Variants in SERTM1 observed in about 807,000 individuals in gnomAD.
SERTM1 encodes serine rich and transmembrane domain containing 1, also known as serine-rich and transmembrane domain-containing protein 1.
Under a neutral mutation model 5.5 loss-of-function variants are expected in SERTM1, and 1 was observed. The ratio of observed to expected loss-of-function variants is 0.18; its 90% CI spans 0.06 to 0.86. The LOEUF is 0.86. Among genes scored for constraint, SERTM1 ranks in the 40% least tolerant of loss-of-function variants. The probability of loss-of-function intolerance (pLI) is 0.69; values close to 1 mark genes in which losing one functional copy is unlikely to be tolerated. For missense variants in SERTM1, 91 were observed against 122.4 expected (o/e 0.74, Z 1.21); for synonymous variants, 52 against 55.1 (o/e 0.94, Z 0.25).
intron 1 of SERTM1, among the ~76,000 whole-genome samples, chr13:36,679,727 C>A (rs552145472): frequency 6.4e-4 from 97 of 152,130 alleles, no homozygotes; most frequent in Non-Finnish European, 1.2e-3. Flanking sequence ...CCCTTGAACA[C>A]ATTTTTTTCT....
At chr13:36,678,679 T>TTATATATATA (rs765476413) in intron 1 of SERTM1, among the ~76,000 whole-genome samples, 22 of 133,734 alleles carry the variant, frequency 1.6e-4, no homozygotes, top group African/African-American at 3.4e-4. Flanking sequence ...AAAATAAAAT[T>TTATATATATA]TATATATATA....
intron 1 of SERTM1, among the ~76,000 whole-genome samples, chr13:36,693,788 C>T (rs184588546): frequency 6.6e-6 from 1 of 152,256 alleles, no homozygotes; most frequent in Admixed American, 6.5e-5. Flanking sequence ...TTTTGCACCA[C>T]AATGGAAGCA....
chr13:36,692,885 G>A (rs184807197), intron 1 of SERTM1, among the ~76,000 whole-genome samples: 8 of 152,250 alleles, frequency 5.3e-5, no homozygotes, highest in South Asian at 4.2e-4. Flanking sequence ...TGAGTAAATC[G>A]CGATGTTTTT....
Position 36,695,036 on chromosome 13 carries a change from T to G in SERTM1, c.-43T>G, listed in dbSNP as rs1379451441. 1 of 1,449,716 alleles carries G rather than the reference T, an allele frequency of 6.9e-7. No homozygotes were observed. The highest frequency in any genetic ancestry group is 9.5e-7 in the Non-Finnish European group (1 of 1,048,654). The allele number at this position is 1,449,716 out of a possible 1,614,324, so 89.8% of individuals were successfully genotyped here. On this transcript the variant is annotated 5_prime_UTR_variant, in exon 2 of 2. Transcript: ENST00000315190. The stretch of plus-strand genomic sequence containing the variant: ...GTCCTGTGTAAGCCCTGTGTGAAGT[T>G]TTGACTTTAATCTACCAGATCACTC...
intron 1 of SERTM1, among the ~76,000 whole-genome samples, chr13:36,683,390 T>C (rs746992204): frequency 2.0e-5 from 3 of 152,228 alleles, no homozygotes; most frequent in Non-Finnish European, 4.4e-5. Context: ...CAATTATTCA[T>C]AATTTGACTT....
At chr13:36,687,782 G>A (rs75413019) in intron 1 of SERTM1, among the ~76,000 whole-genome samples, 2,177 of 151,964 alleles carry the variant, frequency 0.014, 57 homozygotes, top group African/African-American at 0.05. Flanking sequence ...CAACAACAAC[G>A]TAATAAGACA....
chr13:36,688,873 C>A (rs1293259297), intron 1 of SERTM1, among the ~76,000 whole-genome samples: 2 of 152,128 alleles, frequency 1.3e-5, no homozygotes, highest in South Asian at 4.1e-4. Flanking sequence ...AAGTGGCTTT[C>A]ATCATTCTGC....
intron 1 of SERTM1, among the ~76,000 whole-genome samples, chr13:36,682,815 C>T (rs762540365): frequency 6.6e-6 from 1 of 152,160 alleles, no homozygotes; most frequent in Non-Finnish European, 1.5e-5. Flanking sequence ...TATTCTACCC[C>T]TTCCTGTACA....
chr13:36,681,647 A>T (rs1229435835), intron 1 of SERTM1, among the ~76,000 whole-genome samples: 1 of 152,216 alleles, frequency 6.6e-6, no homozygotes, highest in African/African-American at 2.4e-5. Flanking sequence ...TCCACAGATG[A>T]GCACAGTGTC....
rs533278144 is a variant in SERTM1 at position 36,696,941 on chromosome 13, GA to G, written c.*1542del. On this transcript the variant is annotated 3_prime_UTR_variant, in exon 2 of 2. Transcript: ENST00000315190. ...GCACTCTCCAGTGATTAGAATGGGG[GA>G]AAGAATCCACTATTTGTACAGGGTT... is the stretch of plus-strand genomic sequence containing the variant. 7.7e-4 allele frequency: 129 copies of G among 167,098 alleles called. No individual in the cohort carries two copies. In the Middle Eastern group the frequency reaches 0.01, roughly 13 times the overall value. 10.4% of individuals were successfully genotyped at this position (167,098 alleles called of 1,614,324 possible). A position where few individuals can be genotyped will look rare whatever the true frequency, so the allele number is the denominator to read the frequency against.
chr13:36,680,700 G>C (rs1217863088), intron 1 of SERTM1, among the ~76,000 whole-genome samples: 1 of 152,104 alleles, frequency 6.6e-6, no homozygotes, highest in East Asian at 1.9e-4. Context: ...ATTGCTGCTT[G>C]TGTGGTTTTT....
At chr13:36,675,676 C>G (rs549047068) in intron 1 of SERTM1, among the ~76,000 whole-genome samples, 28 of 152,300 alleles carry the variant, frequency 1.8e-4, no homozygotes, top group Admixed American at 1.5e-3. Flanking sequence ...CCACCACACT[C>G]AGAACACCGT....
intron 1 of SERTM1, among the ~76,000 whole-genome samples, chr13:36,681,398 A>T (rs1291056837): frequency 6.6e-6 from 1 of 152,226 alleles, no homozygotes; most frequent in Non-Finnish European, 1.5e-5. Context: ...CAGATCTCCA[A>T]AGTAGCACTT....
At chr13:36,681,961 T>C (rs907153649) in intron 1 of SERTM1, among the ~76,000 whole-genome samples, 4 of 152,204 alleles carry the variant, frequency 2.6e-5, no homozygotes, top group Admixed American at 1.3e-4. Context: ...ACACAGTTGG[T>C]TGATTTTTAA....
intron 1 of SERTM1, among the ~76,000 whole-genome samples, chr13:36,689,430 G>A (rs1038651033): frequency 4.0e-5 from 6 of 151,222 alleles, no homozygotes; most frequent in Admixed American, 3.3e-4. Flanking sequence ...GCTTAAACCC[G>A]GGAGGCAGAG....
At chr13:36,686,726 C>T (rs1252139384) in intron 1 of SERTM1, among the ~76,000 whole-genome samples, 2 of 152,144 alleles carry the variant, frequency 1.3e-5, no homozygotes, top group Non-Finnish European at 2.9e-5. Context: ...ATCTAATGTA[C>T]AGTCTATATT....
At chr13:36,680,700 G>T (rs1217863088) in intron 1 of SERTM1, among the ~76,000 whole-genome samples, 1 of 152,104 alleles carries the variant, frequency 6.6e-6, no homozygotes, top group Non-Finnish European at 1.5e-5. Context: ...ATTGCTGCTT[G>T]TGTGGTTTTT....
chr13:36,674,518 G>GGGGGGGGC (rs537513493), intron 1 of SERTM1, among the ~76,000 whole-genome samples: 315 of 152,246 alleles, frequency 2.1e-3, no homozygotes, highest in Non-Finnish European at 3.2e-3. Flanking sequence ...CAGACACTGG[G>GGGGGGGGC]AACCGGGAAG....
chr13:36,685,216 C>T (rs1593395112), intron 1 of SERTM1, among the ~76,000 whole-genome samples: 2 of 152,168 alleles, frequency 1.3e-5, no homozygotes, highest in African/African-American at 4.8e-5. Flanking sequence ...TTCGCTGTGC[C>T]GCCTGTGAGA....
Sources: gnomAD v4.1 joint callset for allele counts (sites outside exome capture counted in the v4.1 genomes callset) on GRCh38, gnomAD v4.1.1 for gene constraint, MANE v1.5 for transcripts, NCBI Gene and HGNC (gene_info 2026-07-23, HGNC 2026-07-21) for gene names.